The following NKAIN2 variants were observed in gnomAD, a reference collection of about 807,000 sequenced individuals.
NKAIN2 encodes sodium/potassium-transporting ATPase subunit beta-1-interacting protein 2.
NKAIN2 carries 14 observed loss-of-function variants against 32.6 expected under a neutral mutation model. The ratio of observed to expected loss-of-function variants is 0.43; its 90% CI spans 0.28 to 0.67. The LOEUF is 0.67. Ranked by LOEUF, NKAIN2 falls within the 30% of genes least tolerant of loss-of-function variation. The pLI, the probability that NKAIN2 is intolerant of heterozygous loss-of-function variation, is 0.17. For missense variants in NKAIN2, 198 were observed against 258.3 expected (o/e 0.77, Z 1.60); for synonymous variants, 80 against 87.2 (o/e 0.92, Z 0.46).
At position 124,595,800 on chromosome 6, in the gene NKAIN2, G is replaced by A. The variant is rs1782064815; in HGVS notation, c.274-62386G>A. ...TAGTGCAGCGATTACAGCAGAGACA[G>A]CATACTTTAAGAATGAAGATGTTAC... is the stretch of plus-strand genomic sequence containing the variant. On this transcript the variant is annotated intron_variant, in intron 3 of 6. Coordinates refer to ENST00000368417, the MANE Select transcript of NKAIN2 (RefSeq NM_001040214.3). Among the ~76,000 whole-genome samples, 3 of 152,282 alleles carry A rather than the reference G, an allele frequency of 2.0e-5. No individual in the cohort carries two copies. In the South Asian group the frequency reaches 6.2e-4, roughly 32 times the overall value.
rs367983445 is a variant in NKAIN2, at chr6:124,680,482, G to A, written c.474+22096G>A. On this transcript the variant is annotated intron_variant, in intron 4 of 6. Transcript: ENST00000368417. The stretch of plus-strand genomic sequence containing the variant: ...ACCTGAGAATAAATGTTTTGCATCC[G>A]TCTTTACAGTCCACCTAGGAACTGG... Among the ~76,000 whole-genome samples the A allele has an allele frequency of 5.9e-5, 9 of 152,126 alleles. No individual in the cohort carries two copies. The East Asian group carries it at 7.7e-4, about 13-fold the overall frequency.
At chr6:124,067,138 C>A (rs1783229296) in intron 1 of NKAIN2, among the ~76,000 whole-genome samples, 1 of 152,034 alleles carries the variant, frequency 6.6e-6, no homozygotes, top group Non-Finnish European at 1.5e-5. Flanking sequence ...TAGGCTCTTC[C>A]AAGTTCTTCT....
chr6:123,985,509 A>G (rs979644622), intron 1 of NKAIN2, among the ~76,000 whole-genome samples: 5 of 152,242 alleles, frequency 3.3e-5, no homozygotes, highest in Non-Finnish European at 5.9e-5. Context: ...GACACATGAC[A>G]TGCTGTTGAG....
intron 1 of NKAIN2, chr6:124,122,029 T>C: frequency 4.0e-6 from 1 of 247,092 alleles, no homozygotes; most frequent in Non-Finnish European, 7.3e-6. Context: ...AGTGTTCATG[T>C]TTCACTAAGA....
chr6:124,715,831 T>C (rs1775725442), intron 4 of NKAIN2, among the ~76,000 whole-genome samples: 1 of 152,200 alleles, frequency 6.6e-6, no homozygotes, highest in Non-Finnish European at 1.5e-5. Context: ...ATCTAGATTC[T>C]GGCTAAAGCG....
chr6:124,556,725 A>C (rs747234198), intron 3 of NKAIN2, among the ~76,000 whole-genome samples: 1 of 152,224 alleles, frequency 6.6e-6, no homozygotes, highest in African/African-American at 2.4e-5. Context: ...ACAAAACTGT[A>C]TGAGTTAGTT....
At chr6:124,807,315 A>G (rs1780620937) in intron 5 of NKAIN2, among the ~76,000 whole-genome samples, 1 of 151,958 alleles carries the variant, frequency 6.6e-6, no homozygotes, top group Admixed American at 6.5e-5. Context: ...CAATCAAACT[A>G]GAACTCAGGA....
chr6:124,370,516 C>T (rs1799711386), intron 3 of NKAIN2, among the ~76,000 whole-genome samples: 1 of 151,980 alleles, frequency 6.6e-6, no homozygotes, highest in African/African-American at 2.4e-5. Flanking sequence ...AATTGTAGGA[C>T]TCCAGGGTTT....
At chr6:123,957,782 G>C (rs1777664887) in intron 1 of NKAIN2, among the ~76,000 whole-genome samples, 1 of 151,974 alleles carries the variant, frequency 6.6e-6, no homozygotes, top group Non-Finnish European at 1.5e-5. Flanking sequence ...AAAAATCTTT[G>C]TTTCTTAAAG....
rs112734770 is a variant in NKAIN2 at position 124,176,499 on chromosome 6, C to T, written c.55-106506C>T. ...TGCCCAATTGCTTTGGCTAAAACTT[C>T]CAGTACGATGTTGAATGACAGTGGT... On this transcript the variant is annotated intron_variant, in intron 1 of 6. Coordinates refer to ENST00000368417, the MANE Select transcript of NKAIN2 (RefSeq NM_001040214.3). 2.7e-3 allele frequency among the ~76,000 whole-genome samples: 410 copies of T among 152,156 alleles called. 2 individuals carry two copies. Among genetic ancestry groups the T allele is most frequent in the African/African-American group, 9.4e-3 (392 of 41,538 alleles).
chr6:124,204,093 T>G (rs1165767731), intron 1 of NKAIN2, among the ~76,000 whole-genome samples: 1 of 151,834 alleles, frequency 6.6e-6, no homozygotes. Flanking sequence ...GCCAGCATCC[T>G]TATCCTGCTG....
intron 1 of NKAIN2, among the ~76,000 whole-genome samples, chr6:124,077,878 G>T (rs144239669): frequency 5.9e-5 from 9 of 151,988 alleles, no homozygotes; most frequent in Non-Finnish European, 1.2e-4. Flanking sequence ...GGGATTACAG[G>T]CGTGAATGAC....
intron 1 of NKAIN2, among the ~76,000 whole-genome samples, chr6:124,094,951 A>G (rs1383337729): frequency 6.6e-6 from 1 of 152,170 alleles, no homozygotes; most frequent in Non-Finnish European, 1.5e-5. Context: ...CTCTCCACTT[A>G]CAATCCATGT....
At chr6:124,703,901 A>T (rs1284023423) in intron 4 of NKAIN2, among the ~76,000 whole-genome samples, 1 of 152,088 alleles carries the variant, frequency 6.6e-6, no homozygotes, top group African/African-American at 2.4e-5. Context: ...CATATAGGAC[A>T]TAAAAAGGCT....
At chr6:124,343,164 T>C (rs969248873) in intron 2 of NKAIN2, among the ~76,000 whole-genome samples, 9 of 152,114 alleles carry the variant, frequency 5.9e-5, no homozygotes, top group African/African-American at 2.2e-4. Context: ...CATGAACTCA[T>C]CATTTTTTAT....
At chr6:124,332,248 G>C (rs62434699) in intron 2 of NKAIN2, among the ~76,000 whole-genome samples, 101,680 of 141,938 alleles carry the variant, frequency 0.72, 35,900 homozygotes, top group Admixed American at 0.81. Flanking sequence ...CACACACACA[G>C]AGAGAGAGAG....
rs371000659 is a variant in NKAIN2, at chr6:123,972,885, C to T, written c.54+168631C>T. Among the ~76,000 whole-genome samples, 4 of 152,164 alleles carry T rather than the reference C, an allele frequency of 2.6e-5. No individual in the cohort carries two copies. The East Asian group carries it at 5.8e-4, about 22-fold the overall frequency. On this transcript the variant is annotated intron_variant, in intron 1 of 6. Coordinates refer to ENST00000368417, the MANE Select transcript of NKAIN2 (RefSeq NM_001040214.3). The stretch of plus-strand genomic sequence containing the variant: ...AGGTCTGCATGTGTGCTGGAATATA[C>T]ATACTGTGGTTAGAAAAGTGCCTGA...
intron 1 of NKAIN2, among the ~76,000 whole-genome samples, chr6:123,982,365 A>T (rs527931938): frequency 2.0e-4 from 31 of 152,338 alleles, no homozygotes; most frequent in African/African-American, 7.5e-4. Context: ...TCAAAGAAGG[A>T]TTTATTATAA....
chr6:123,987,119 G>C (rs1157150268), intron 1 of NKAIN2, among the ~76,000 whole-genome samples: 1 of 152,132 alleles, frequency 6.6e-6, no homozygotes, highest in Admixed American at 6.5e-5. Context: ...AATGTGCACA[G>C]TATACTTCAC....
Sources: allele counts gnomAD v4.1 joint callset (sites outside exome capture counted in the v4.1 genomes callset), GRCh38; gene constraint gnomAD v4.1.1; transcripts MANE v1.5; gene names NCBI Gene and HGNC (gene_info 2026-07-23, HGNC 2026-07-21).